PET117: variants seen among roughly 807,000 people sequenced by gnomAD.
PET117 encodes the protein PET117 cytochrome c oxidase chaperone, also known as protein PET117 homolog, mitochondrial.
In PET117, 10 loss-of-function variants were observed where a neutral mutation model predicts 9.2. The observed-to-expected ratio is 1.09, with a 90% CI of 0.67 to 1.85. The LOEUF (loss-of-function observed/expected upper bound fraction) is 1.85. Ranked by LOEUF, PET117 falls within the 40% of genes most tolerant of loss-of-function variation. The probability of loss-of-function intolerance (pLI) is 0.00; values close to 1 mark genes in which losing one functional copy is unlikely to be tolerated. For synonymous variants in PET117, 43 were observed against 37.1 expected (o/e 1.16, Z -0.57); for missense variants, 96 against 98.2 (o/e 0.98, Z 0.09).
chr20:18,138,262 C>T, intron 1 of PET117: 4 of 1,233,128 alleles, frequency 3.2e-6, no homozygotes, highest in Non-Finnish European at 4.0e-6. Context: ...GTGCAGCCCG[C>T]AGATTCAGGA....
chr20:18,138,104 G>C, intron 1 of PET117, 53 bp downstream of exon 1: 1 of 1,427,378 alleles, frequency 7.0e-7, no homozygotes, highest in South Asian at 1.4e-5. Context: ...CGTCGACCTG[G>C]GGCCTCTCGT....
intron 1 of PET117, among the ~76,000 whole-genome samples, chr20:18,139,633 C>G (rs62205112): frequency 1.4e-4 from 20 of 141,626 alleles, no homozygotes; most frequent in South Asian, 7.5e-4. Context: ...ACCAAAATAA[C>G]GTGTGTGTGT....
rs945251988 is a variant in PET117 at position 18,142,604 on chromosome 20, T to G, written c.*247T>G. 1 of 1,602,360 alleles carries G rather than the reference T, an allele frequency of 6.2e-7. No homozygotes were observed. The highest frequency in any genetic ancestry group is 8.5e-7 in the Non-Finnish European group (1 of 1,172,546). ...CTGGTAGAAGCCCCATTAGGGTCACTGTCCAGTGCTTAGGGTTGTTACTGA... is the reference window on the plus strand; with the variant it reads ...CTGGTAGAAGCCCCATTAGGGTCACGGTCCAGTGCTTAGGGTTGTTACTGA... On this transcript the variant is annotated 3_prime_UTR_variant, in exon 2 of 2. Transcript: ENST00000432901.
chr20:18,138,374 T>C, intron 1 of PET117: 5 of 1,062,232 alleles, frequency 4.7e-6, no homozygotes, highest in Non-Finnish European at 5.7e-6. Flanking sequence ...AGTGGCTCTG[T>C]TTTCAAGTCA....
At chr20:18,141,863 G>A (rs1027278402) in intron 1 of PET117, among the ~76,000 whole-genome samples, 2 of 152,176 alleles carry the variant, frequency 1.3e-5, no homozygotes, top group African/African-American at 4.8e-5. Context: ...TCCAGCCTGG[G>A]CGACAGAGCG....
At chr20:18,139,651 TGTGTGTG>T (rs1419970896) in intron 1 of PET117, among the ~76,000 whole-genome samples, 1 of 143,682 alleles carries the variant, frequency 7.0e-6, no homozygotes, top group African/African-American at 2.5e-5. Flanking sequence ...TGTGTGTGTG[TGTGTGTG>T]TGTGTGTGTG....
chr20:18,137,941 G>C lies in PET117; in HGVS notation c.-15G>C, dbSNP rs1368993413. ...GGGCGGGCGGGAGAGAGAGGCCGCG[G>C]CCGCCAGCGTGGGGATGTCTAGGAG... is the stretch of plus-strand genomic sequence containing the variant. On this transcript the variant is annotated 5_prime_UTR_variant, in exon 1 of 2. Coordinates refer to ENST00000432901, the MANE Select transcript of PET117 (RefSeq NM_001164811.2). The C allele has an allele frequency of 6.8e-7, 1 of 1,479,696 alleles. No individual in the cohort carries two copies. Among genetic ancestry groups the C allele is most frequent in the African/African-American group, 1.5e-5 (1 of 68,214 alleles). 91.7% of individuals were successfully genotyped at this position (1,479,696 alleles called of 1,614,324 possible).
chr20:18,140,684 C>T (rs964036626), intron 1 of PET117, among the ~76,000 whole-genome samples: 2 of 151,608 alleles, frequency 1.3e-5, no homozygotes, highest in Admixed American at 1.3e-4. Flanking sequence ...TGGTGGCGCA[C>T]GCCTGTAATC....
intron 1 of PET117, among the ~76,000 whole-genome samples, chr20:18,140,128 A>G (rs2037474512): frequency 1.3e-5 from 2 of 150,624 alleles, no homozygotes. Context: ...AAGGAAGGGT[A>G]GGATCTGGGA....
At chr20:18,139,864 G>A (rs1568661071) in intron 1 of PET117, among the ~76,000 whole-genome samples, 1 of 152,106 alleles carries the variant, frequency 6.6e-6, no homozygotes, top group Non-Finnish European at 1.5e-5. Context: ...AGCACTTTAT[G>A]TATATCATCT....
rs2037537731 is a variant in PET117 at position 18,141,035 on chromosome 20, T to TA, written c.97-1173_97-1172insA. On this transcript the variant is annotated intron_variant, in intron 1 of 1. Coordinates refer to ENST00000432901, the MANE Select transcript of PET117 (RefSeq NM_001164811.2). ...ACCACTCCCTGCAATTTTTTTTTTTTTTTTTTTTTTTATTTTTATTTTTGC... is the reference window on the plus strand; with the variant it reads ...ACCACTCCCTGCAATTTTTTTTTTTTATTTTTTTTTTTATTTTTATTTTTGC... Among the ~76,000 whole-genome samples, 3 of 19,758 alleles carry TA rather than the reference T, an allele frequency of 1.5e-4. No homozygotes were observed. In the South Asian group the frequency reaches 7.9e-3, roughly 52 times the overall value. 13.0% of individuals were successfully genotyped at this position (19,758 alleles called of 152,430 possible). A position where few individuals can be genotyped will look rare whatever the true frequency, so the allele number is the denominator to read the frequency against.
At chr20:18,141,037 T>TTTTA (rs1568661493) in intron 1 of PET117, among the ~76,000 whole-genome samples, 27 of 22,624 alleles carry the variant, frequency 1.2e-3, no homozygotes, top group South Asian at 0.012. Context: ...TTTTTTTTTT[T>TTTTA]TTTTTTTTTA....
intron 1 of PET117, chr20:18,138,255 C>G (rs2037376148): frequency 3.2e-6 from 4 of 1,234,526 alleles, no homozygotes; most frequent in Non-Finnish European, 4.0e-6. Context: ...CGGGCGTGTG[C>G]AGCCCGCAGA....
chr20:18,138,105 G>A (rs1404505711), intron 1 of PET117, 54 bp downstream of exon 1: 10 of 1,424,924 alleles, frequency 7.0e-6, no homozygotes, highest in Non-Finnish European at 7.3e-6. Flanking sequence ...GTCGACCTGG[G>A]GCCTCTCGTG....
At chr20:18,138,587 C>T (rs2037394219) in intron 1 of PET117, 2 of 415,842 alleles carry the variant, frequency 4.8e-6, no homozygotes, top group African/African-American at 2.2e-5. Flanking sequence ...TACTCACTCT[C>T]CATGCCTTTG....
rs58888387 is a variant in PET117 at position 18,141,051 on chromosome 20, T to TTTTTTTTTTTTTTTG, written c.97-1156_97-1155insTTTTTTTTTTTTTGT. Among the ~76,000 whole-genome samples the TTTTTTTTTTTTTTTG allele has an allele frequency of 2.5e-3, 273 of 109,636 alleles. 2 individuals are homozygous for TTTTTTTTTTTTTTTG. The highest frequency in any genetic ancestry group is 5.3e-3 in the Middle Eastern group (1 of 190). 71.9% of individuals were successfully genotyped at this position (109,636 alleles called of 152,430 possible). On this transcript the variant is annotated intron_variant, in intron 1 of 1. Transcript: ENST00000432901. ...TTTTTTTTTTTTTTTTTTTTTATTT[T>TTTTTTTTTTTTTTTG]TATTTTTGCTAGAGATGGGATTTTG... is the stretch of plus-strand genomic sequence containing the variant.
chr20:18,138,133 TC>T, intron 1 of PET117, 82 bp downstream of exon 1: 1 of 1,361,176 alleles, frequency 7.3e-7, no homozygotes, highest in South Asian at 1.7e-5. Context: ...CCCGCTCGGT[TC>T]CTCAGCTCCT....
intron 1 of PET117, among the ~76,000 whole-genome samples, chr20:18,139,806 A>G (rs1205192): frequency 0.19 from 29,040 of 152,090 alleles, 2,954 homozygotes; most frequent in Non-Finnish European, 0.21. Context: ...GAAATTAAAT[A>G]ATGAATATTG....
At chr20:18,139,633 C>CGTGTGTGTGTGTGT (rs71194228) in intron 1 of PET117, among the ~76,000 whole-genome samples, 1,552 of 141,652 alleles carry the variant, frequency 0.011, 11 homozygotes, top group East Asian at 0.016. Flanking sequence ...ACCAAAATAA[C>CGTGTGTGTGTGTGT]GTGTGTGTGT....
Sources: gnomAD v4.1 joint callset for allele counts (sites outside exome capture counted in the v4.1 genomes callset) on GRCh38, gnomAD v4.1.1 for gene constraint, MANE v1.5 for transcripts, NCBI Gene and HGNC (gene_info 2026-07-23, HGNC 2026-07-21) for gene names.